Variants in BTNL8 observed in about 807,000 individuals in gnomAD.
BTNL8 encodes the protein butyrophilin-like protein 8.
In BTNL8, 22 loss-of-function variants were observed where a neutral mutation model predicts 36.1. The ratio of observed to expected loss-of-function variants is 0.61; its 90% CI spans 0.44 to 0.87. BTNL8 has a LOEUF of 0.87. BTNL8 is among the 40% of genes least tolerant of loss of function. The pLI is 0.00. For missense variants in BTNL8, 526 were observed against 616.9 expected, an observed-to-expected ratio of 0.85 and a Z score of 1.56; for synonymous variants, 203 against 235.6, an observed-to-expected ratio of 0.86 and a Z score of 1.27.
intron 2 of BTNL8, chr5:180,909,713 T>G: frequency 1.6e-5 from 4 of 246,288 alleles, no homozygotes; most frequent in Non-Finnish European, 2.3e-5. Context: ...ACCTCATCTC[T>G]ATTAAAAAAA....
intron 1 of BTNL8, among the ~76,000 whole-genome samples, chr5:180,908,210 G>A (rs535374835): frequency 2.0e-5 from 3 of 152,116 alleles, no homozygotes; most frequent in Middle Eastern, 3.4e-3. Context: ...ATATAATCTC[G>A]TGGTGCGCCG....
intron 1 of BTNL8, among the ~76,000 whole-genome samples, chr5:180,903,677 A>C (rs1391940894): frequency 3.2e-5 from 2 of 63,278 alleles, no homozygotes; most frequent in South Asian, 6.1e-4. Context: ...TTAAGTCTTT[A>C]ATCCATCTTG....
At chr5:180,948,039 C>T (rs1486434380) in intron 4 of BTNL8, 1 of 646,626 alleles carries the variant, frequency 1.5e-6, no homozygotes, top group African/African-American at 1.8e-5. Flanking sequence ...ATTTCCTCCT[C>T]CTTGGGAGTG....
At position 180,911,532 on chromosome 5, in the gene BTNL8, C is replaced by T; in HGVS notation, c.591C>T (p.Val197=). 1 of 1,613,976 alleles carries T rather than the reference C, an allele frequency of 6.2e-7. No individual in the cohort carries two copies. The highest frequency in any genetic ancestry group is 8.5e-7 in the Non-Finnish European group (1 of 1,179,988). ...GLFDVEISLT[V]QENAGSISCS... ...TTGATGTGGAGATCTCTCTGACCGTCCAAGAGAACGCCGGGAGCATATCCT... is the reference window on the plus strand; with the variant it reads ...TTGATGTGGAGATCTCTCTGACCGTTCAAGAGAACGCCGGGAGCATATCCT... The change falls in exon 3 of 8, where the codon GTC becomes GTT. Residue 197 remains valine, a synonymous_variant. Transcript: ENST00000340184.
chr5:180,910,582 T>G (rs146697862), intron 2 of BTNL8, among the ~76,000 whole-genome samples: 139 of 152,382 alleles, frequency 9.1e-4, no homozygotes, highest in African/African-American at 3.2e-3. Context: ...TTAGCTTCCC[T>G]CATGCTAACT....
At chr5:180,926,362 A>C (rs1342284096) in intron 3 of BTNL8, among the ~76,000 whole-genome samples, 1 of 152,082 alleles carries the variant, frequency 6.6e-6, no homozygotes, top group African/African-American at 2.4e-5. Flanking sequence ...TGCCTACACC[A>C]CCCGGGCCCT....
At chr5:180,922,198 T>A (rs1049006525) in intron 3 of BTNL8, among the ~76,000 whole-genome samples, 5 of 152,160 alleles carry the variant, frequency 3.3e-5, no homozygotes, top group African/African-American at 1.2e-4. Context: ...CTCCTTCAGT[T>A]CAGCTCTGAT....
At chr5:180,921,793 T>G (rs1757877174) in intron 3 of BTNL8, among the ~76,000 whole-genome samples, 1 of 151,978 alleles carries the variant, frequency 6.6e-6, no homozygotes, top group East Asian at 1.9e-4. Flanking sequence ...TGGTGATGAT[T>G]TGAATGGGTA....
intron 1 of BTNL8, 26 bp downstream of exon 1, chr5:180,899,385 T>C (rs1554140579): frequency 6.2e-7 from 1 of 1,602,214 alleles, no homozygotes; most frequent in Non-Finnish European, 8.6e-7. Context: ...GTTTCCTCCT[T>C]ACTAACTAAC....
At chr5:180,921,694 C>CAG (rs1353469648) in intron 3 of BTNL8, among the ~76,000 whole-genome samples, 1 of 148,940 alleles carries the variant, frequency 6.7e-6, no homozygotes, top group Admixed American at 6.8e-5. Context: ...CACACACACA[C>CAG]AGACACACAC....
intron 3 of BTNL8, among the ~76,000 whole-genome samples, chr5:180,933,649 G>C (rs1758510073): frequency 6.6e-6 from 1 of 152,152 alleles, no homozygotes; most frequent in South Asian, 2.1e-4. Flanking sequence ...GCAAAAATGA[G>C]AGGGAAATTT....
intron 1 of BTNL8, among the ~76,000 whole-genome samples, chr5:180,905,777 G>A (rs1191536324): frequency 2.0e-5 from 3 of 149,146 alleles, no homozygotes; most frequent in South Asian, 2.1e-4. Context: ...CCTTCATTTC[G>A]TTATGTACCC....
In BTNL8 at chr5:180,899,277, TC is replaced by T; in HGVS notation, c.-32del. The T allele has an allele frequency of 6.2e-7, 1 of 1,612,216 alleles. No individual in the cohort carries two copies. Among genetic ancestry groups the T allele is most frequent in the Non-Finnish European group, 8.5e-7 (1 of 1,178,224 alleles). ...TCCGTCACCTCTCCTGTCATCCGTTTCCATGCCGTGAGGTCCATTCACAGAA... is the reference window on the plus strand; with the variant it reads ...TCCGTCACCTCTCCTGTCATCCGTTTCATGCCGTGAGGTCCATTCACAGAA... On this transcript the variant is annotated 5_prime_UTR_variant, in exon 1 of 8. Coordinates refer to ENST00000340184, the MANE Select transcript of BTNL8 (RefSeq NM_001040462.3).
chr5:180,943,126 T>C (rs1759062304), intron 3 of BTNL8, among the ~76,000 whole-genome samples: 2 of 135,920 alleles, frequency 1.5e-5, no homozygotes, highest in African/African-American at 2.8e-5. Flanking sequence ...AAAGGGAAGA[T>C]AGACTTTTTT....
chr5:180,947,744 A>G, intron 4 of BTNL8, 119 bp downstream of exon 4: 2 of 1,613,834 alleles, frequency 1.2e-6, no homozygotes, highest in Non-Finnish European at 1.7e-6. Flanking sequence ...CCAGGGGCCC[A>G]GGCCCAAAAA....
At chr5:180,902,447 T>C in intron 1 of BTNL8, 8 of 1,523,254 alleles carry the variant, frequency 5.3e-6, no homozygotes, top group Non-Finnish European at 7.1e-6. Context: ...AGGATTGTGA[T>C]GAATGTTTCC....
chr5:180,935,840 C>T lies in BTNL8; in HGVS notation c.674-11672C>T, dbSNP rs935065705. Among the ~76,000 whole-genome samples the T allele has an allele frequency of 4.0e-5, 6 of 151,854 alleles. No homozygotes were observed. Among genetic ancestry groups the T allele is most frequent in the Non-Finnish European group, 7.4e-5 (5 of 67,924 alleles). On this transcript the variant is annotated intron_variant, in intron 3 of 7. Coordinates refer to ENST00000340184, the MANE Select transcript of BTNL8 (RefSeq NM_001040462.3). The surrounding 1 kb of genome is among the most constrained non-coding windows in gnomAD (Gnocchi z 4.8). The stretch of plus-strand genomic sequence containing the variant: ...GCTCCAGACAGGCTGCCACTGTTAT[C>T]AACATCATACTTAAACATGAAAAGT...
rs1318058151 is a variant in BTNL8 at position 180,899,349 on chromosome 5, G to A, written c.39G>A (p.Lys13=). ...LMLSLVLSLL[K]LGSGQWQVFG... The stretch of plus-strand genomic sequence containing the variant: ...TCAGTTTGGTTCTGAGTCTCCTCAA[G>A]CTGGGATCAGGTAAGACTCATCTTT... The change falls in exon 1 of 8, where the codon AAG becomes AAA. Residue 13 remains lysine (K), a synonymous_variant. Coordinates refer to ENST00000340184, the MANE Select transcript of BTNL8 (RefSeq NM_001040462.3). 5 of 1,613,870 alleles carry A rather than the reference G, an allele frequency of 3.1e-6. No individual in the cohort carries two copies. The highest frequency in any genetic ancestry group is 4.2e-6 in the Non-Finnish European group (5 of 1,179,860).
intron 1 of BTNL8, among the ~76,000 whole-genome samples, chr5:180,908,281 C>T (rs535001706): frequency 2.2e-5 from 3 of 133,704 alleles, no homozygotes; most frequent in Non-Finnish European, 5.3e-5. Flanking sequence ...TTTCCAGGTG[C>T]GTCCGTCACC....
Sources: gnomAD v4.1 joint callset for allele counts (sites outside exome capture counted in the v4.1 genomes callset) on GRCh38, gnomAD v4.1.1 for gene constraint, Gnocchi (gnomAD v3.1) non-coding constraint, MANE v1.5 for transcripts, NCBI Gene and HGNC (gene_info 2026-07-23, HGNC 2026-07-21) for gene names.